The following CTNNA2 variants were observed in gnomAD, a reference collection of about 807,000 sequenced individuals.
CTNNA2 encodes the protein catenin alpha 2.
CTNNA2 carries 42 observed loss-of-function variants against 101.0 expected under a neutral mutation model. That is an observed-to-expected ratio of 0.42 (90% confidence interval 0.32 to 0.54). The LOEUF (loss-of-function observed/expected upper bound fraction) is 0.54. Ranked by LOEUF, CTNNA2 falls within the 20% of genes least tolerant of loss-of-function variation. The pLI is 0.14. For synonymous variants in CTNNA2, 450 were observed against 456.4 expected, an observed-to-expected ratio of 0.99 and a Z score of 0.18; for missense variants, 871 against 1,223.1, an observed-to-expected ratio of 0.71 and a Z score of 4.29.
At chr2:79,539,586 G>A (rs1205782976) in intron 1 of CTNNA2, among the ~76,000 whole-genome samples, 2 of 152,136 alleles carry the variant, frequency 1.3e-5, no homozygotes, top group African/African-American at 4.8e-5. Flanking sequence ...ACTGTGGGTG[G>A]CTTTATTATT....
chr2:80,138,288 G>C (rs919497208), intron 7 of CTNNA2, among the ~76,000 whole-genome samples: 3 of 152,068 alleles, frequency 2.0e-5, no homozygotes, highest in African/African-American at 7.2e-5. Context: ...TGGAAAAAAA[G>C]GCAGTTAATG....
chr2:80,034,650 A>C (rs1046796331), intron 7 of CTNNA2, among the ~76,000 whole-genome samples: 12 of 152,076 alleles, frequency 7.9e-5, no homozygotes, highest in African/African-American at 2.9e-4. Context: ...CACCACGCCC[A>C]CCCTCAACTT....
chr2:79,313,077 C>A (rs1050658509), intron 3 of CTNNA2, among the ~76,000 whole-genome samples: 1 of 152,204 alleles, frequency 6.6e-6, no homozygotes, highest in Non-Finnish European at 1.5e-5. Flanking sequence ...AGAATCACTT[C>A]AATGACTTTG....
chr2:80,365,028 G>A (rs1674788246), intron 7 of CTNNA2, among the ~76,000 whole-genome samples: 1 of 152,056 alleles, frequency 6.6e-6, no homozygotes, highest in African/African-American at 2.4e-5. Flanking sequence ...GTGGGGTTTG[G>A]CCTTCATGTA....
chr2:80,079,512 T>C (rs1437648368), intron 7 of CTNNA2, among the ~76,000 whole-genome samples: 3 of 151,992 alleles, frequency 2.0e-5, no homozygotes, highest in African/African-American at 7.2e-5. Context: ...AGGACACAGA[T>C]TAGTCTTATC....
intron 4 of CTNNA2, among the ~76,000 whole-genome samples, chr2:79,381,688 T>C (rs1419967534): frequency 3.3e-5 from 5 of 152,190 alleles, no homozygotes; most frequent in Admixed American, 6.5e-5. Context: ...TTCTCTTTGT[T>C]CAGAGGCTCC....
chr2:80,057,893 G>A (rs1042245148), intron 7 of CTNNA2, among the ~76,000 whole-genome samples: 8 of 152,068 alleles, frequency 5.3e-5, no homozygotes, highest in African/African-American at 1.9e-4. Context: ...TAGCAGATAC[G>A]CAGATACCCC....
At chr2:80,496,004 G>C (rs1466578514) in intron 9 of CTNNA2, among the ~76,000 whole-genome samples, 1 of 148,772 alleles carries the variant, frequency 6.7e-6, no homozygotes, top group East Asian at 2.1e-4. Flanking sequence ...TAGGGAGAAG[G>C]CTGTGTGATA....
At chr2:79,794,745 A>G (rs902730888) in intron 3 of CTNNA2, among the ~76,000 whole-genome samples, 1 of 152,242 alleles carries the variant, frequency 6.6e-6, no homozygotes, top group African/African-American at 2.4e-5. Flanking sequence ...AAGAGTAAGT[A>G]TGTACATTCT....
chr2:79,530,143 A>G (rs773025701), intron 1 of CTNNA2, among the ~76,000 whole-genome samples: 2 of 152,176 alleles, frequency 1.3e-5, no homozygotes, highest in African/African-American at 2.4e-5. Context: ...TTAAGCCAGC[A>G]GAATTTTCCT....
chr2:80,648,142 C>T lies in CTNNA2; in HGVS notation c.*270C>T, dbSNP rs373715823. On this transcript the variant is annotated 3_prime_UTR_variant, in exon 19 of 19. Transcript: ENST00000402739. ...AAATTGGGCACAGAGTTCGCATTGG[C>T]GCAATATTTATGGGAGTGGGAGGGA... The T allele has an allele frequency of 5.7e-5, 15 of 263,434 alleles. No homozygotes were observed. The highest frequency in any genetic ancestry group is 5.1e-5 in the Admixed American group (1 of 19,530). The allele number at this position is 263,434 out of a possible 1,614,324, so 16.3% of individuals were successfully genotyped here.
At chr2:80,445,817 T>C (rs139267351) in intron 9 of CTNNA2, among the ~76,000 whole-genome samples, 1 of 152,326 alleles carries the variant, frequency 6.6e-6, no homozygotes, top group East Asian at 1.9e-4. Context: ...TCCTTTATTT[T>C]TTATTTACTT....
chr2:79,693,795 G>T (rs1322915975), intron 2 of CTNNA2, among the ~76,000 whole-genome samples: 2 of 151,880 alleles, frequency 1.3e-5, no homozygotes, highest in African/African-American at 4.8e-5. Context: ...ACATGATGTA[G>T]GAAATCAGCA....
chr2:79,850,335 CTCCCTCTCTCCCTTCCTTTCTTCCTTCA>C (rs1375501081), intron 3 of CTNNA2, among the ~76,000 whole-genome samples: 8 of 125,770 alleles, frequency 6.4e-5, no homozygotes, highest in African/African-American at 2.4e-4. Flanking sequence ...CCCTCCCTCC[CTCCCTCTCTCCCTTCCTTTCTTCCTTCA>C]TCCCTGCCTC....
At chr2:80,491,550 A>T (rs78697370) in intron 9 of CTNNA2, among the ~76,000 whole-genome samples, 2,693 of 152,318 alleles carry the variant, frequency 0.018, 62 homozygotes, top group African/African-American at 0.061. Flanking sequence ...CTGTTGGAGG[A>T]TGTAACAAGG....
chr2:79,197,781 G>A (rs1673980605), intron 1 of CTNNA2, among the ~76,000 whole-genome samples: 1 of 152,064 alleles, frequency 6.6e-6, no homozygotes, highest in Non-Finnish European at 1.5e-5. Context: ...TTTTGTTGTG[G>A]TTGTTGTTGT....
intron 9 of CTNNA2, among the ~76,000 whole-genome samples, chr2:80,487,265 A>G (rs1210601979): frequency 2.0e-5 from 3 of 146,786 alleles, no homozygotes. Context: ...TGGGCGACAG[A>G]GCAATACTCT....
At chr2:80,192,630 G>A (rs1573352424) in intron 7 of CTNNA2, among the ~76,000 whole-genome samples, 3 of 152,002 alleles carry the variant, frequency 2.0e-5, no homozygotes, top group Admixed American at 6.6e-5. Flanking sequence ...GGGTTCAAGC[G>A]ATTCTCCTGC....
chr2:79,788,045 G>C (rs1236220409), intron 3 of CTNNA2, among the ~76,000 whole-genome samples: 1 of 152,138 alleles, frequency 6.6e-6, no homozygotes, highest in East Asian at 1.9e-4. Context: ...GAGTACACTA[G>C]AGGGTATGTC....
Sources: gnomAD v4.1 joint callset for allele counts (sites outside exome capture counted in the v4.1 genomes callset) on GRCh38, gnomAD v4.1.1 for gene constraint, MANE v1.5 for transcripts, NCBI Gene and HGNC (gene_info 2026-07-23, HGNC 2026-07-21) for gene names.